The following TMF1 variants were observed in gnomAD, a reference collection of about 807,000 sequenced individuals.
TMF1 encodes the protein TATA element modulatory factor.
In TMF1, 71 loss-of-function variants were observed where a neutral mutation model predicts 126.5. The observed-to-expected ratio is 0.56, with a 90% CI of 0.46 to 0.68. The LOEUF is 0.68. Ranked by LOEUF, TMF1 falls within the 30% of genes least tolerant of loss-of-function variation. TMF1 has a pLI of 0.00. For synonymous variants in TMF1, 461 were observed against 430.5 expected, an observed-to-expected ratio of 1.07 and a Z score of -0.88; for missense variants, 1,259 against 1,253.2, an observed-to-expected ratio of 1.00 and a Z score of -0.07.
Position 69,037,010 on chromosome 3 carries a change from T to C in TMF1, c.2151+1554A>G, listed in dbSNP as rs536928636. ...ACAACCCACAGAGAGGCACAAAATA[T>C]TGACAAATCCTATATCTGATAAAGG... On this transcript the variant is annotated intron_variant, in intron 8 of 16. Coordinates refer to ENST00000398559, the MANE Select transcript of TMF1 (RefSeq NM_007114.3). 1.2e-4 allele frequency among the ~76,000 whole-genome samples: 18 copies of C among 151,880 alleles called. No individual in the cohort carries two copies. In the South Asian group the frequency reaches 3.8e-3, roughly 32 times the overall value.
intron 9 of TMF1, among the ~76,000 whole-genome samples, chr3:69,034,467 T>C (rs1314425835): frequency 6.6e-6 from 1 of 152,126 alleles, no homozygotes; most frequent in Non-Finnish European, 1.5e-5. Context: ...AGCAAGACTC[T>C]GTCTCAAAAT....
At chr3:69,040,174 G>T (rs1337391541) in intron 5 of TMF1, among the ~76,000 whole-genome samples, 2 of 152,166 alleles carry the variant, frequency 1.3e-5, no homozygotes, top group East Asian at 3.9e-4. Context: ...AGACTCTACA[G>T]AGTCCTCAAA....
At chr3:69,046,775 T>C (rs998948773) in intron 2 of TMF1, among the ~76,000 whole-genome samples, 1 of 152,188 alleles carries the variant, frequency 6.6e-6, no homozygotes, top group East Asian at 1.9e-4. Flanking sequence ...ATGTGAAATA[T>C]AGCTATCAAT....
chr3:69,044,656 T>A (rs1374499131), intron 2 of TMF1, 61 bp from the exon 3 acceptor site: 2 of 1,029,658 alleles, frequency 1.9e-6, no homozygotes, highest in African/African-American at 3.2e-5. Context: ...CATTTTTACA[T>A]GCAGGTGTAT....
At chr3:69,025,972 C>G in intron 14 of TMF1, 24 bp downstream of exon 14, 1 of 1,542,132 alleles carries the variant, frequency 6.5e-7, no homozygotes, top group Non-Finnish European at 8.9e-7. Flanking sequence ...AAGAACTAAG[C>G]ACATATAAAA....
At chr3:69,033,303 A>AAAGAAT (rs2091814307) in intron 10 of TMF1, among the ~76,000 whole-genome samples, 1 of 151,856 alleles carries the variant, frequency 6.6e-6, no homozygotes, top group Non-Finnish European at 1.5e-5. Flanking sequence ...GAACTGAATG[A>AAAGAAT]AAGAATGACA....
At chr3:69,034,755 A>G (rs1278535884) in intron 9 of TMF1, among the ~76,000 whole-genome samples, 3 of 152,238 alleles carry the variant, frequency 2.0e-5, no homozygotes, top group Non-Finnish European at 4.4e-5. Context: ...ACAATCATTA[A>G]TAAGCGATTA....
At position 69,048,289 on chromosome 3, in the gene TMF1, A is replaced by C; in HGVS notation, c.416T>G (p.Ile139Ser). The part of the protein sequence containing the change: ...VKSSLHESLH[I>S]GQSRTPETTE... ...TGTTTCAGGAGTTCTTGACTGGCCA[A>C]TGTGCAAGGATTCATGTAAGCTGCT... The change falls in exon 2 of 17, where the codon ATT becomes AGT. Residue 139 changes from isoleucine (I) to serine (S), a missense_variant. Coordinates refer to ENST00000398559, the MANE Select transcript of TMF1 (RefSeq NM_007114.3). 17 of 1,614,194 alleles carry C rather than the reference A, an allele frequency of 1.1e-5. No homozygotes were observed. The highest frequency in any genetic ancestry group is 1.4e-5 in the Non-Finnish European group (17 of 1,180,028).
At chr3:69,025,500 G>A in intron 15 of TMF1, 60 bp downstream of exon 15, 1 of 1,474,818 alleles carries the variant, frequency 6.8e-7, no homozygotes, top group Non-Finnish European at 9.3e-7. Context: ...AATGAAGGGT[G>A]CTATTTATTA....
At chr3:69,038,466 A>G (rs2091844756) in intron 8 of TMF1, 98 bp downstream of exon 8, 10 of 1,314,188 alleles carry the variant, frequency 7.6e-6, no homozygotes, top group Non-Finnish European at 9.5e-6. Flanking sequence ...TAACACATGT[A>G]TCACTACATT....
intron 1 of TMF1, among the ~76,000 whole-genome samples, chr3:69,050,272 A>C (rs1392019386): frequency 1.3e-5 from 2 of 151,476 alleles, no homozygotes; most frequent in Admixed American, 1.3e-4. Flanking sequence ...AAAAAAAAAA[A>C]ACAAAAAAAC....
intron 4 of TMF1, among the ~76,000 whole-genome samples, chr3:69,043,366 C>T (rs2091878020): frequency 6.6e-6 from 1 of 152,030 alleles, no homozygotes; most frequent in Non-Finnish European, 1.5e-5. Flanking sequence ...GATGAGGTCT[C>T]GCCATGTTGC....
intron 15 of TMF1, 34 bp from the exon 16 acceptor site, chr3:69,024,214 A>C: frequency 6.5e-7 from 1 of 1,547,926 alleles, no homozygotes; most frequent in Non-Finnish European, 8.7e-7. Context: ...GTTTAAATCA[A>C]AACATATCTT....
In TMF1 at chr3:69,044,491, C is replaced by T. The variant is rs766492330; in HGVS notation, c.1451+1G>A. 6.5e-7 allele frequency: 1 copy of T among 1,528,828 alleles called. No individual in the cohort carries two copies. Among genetic ancestry groups the T allele is most frequent in the Non-Finnish European group, 9.0e-7 (1 of 1,115,870 alleles). 94.7% of individuals were successfully genotyped at this position (1,528,828 alleles called of 1,614,324 possible). A position where few individuals can be genotyped will look rare whatever the true frequency, so the allele number is the denominator to read the frequency against. ...ATTATTCACATTTGCAGAATACTTA[C>T]TCTTTCAGGTTATCAAAAGCTTCTT... On this transcript the variant is annotated splice_donor_variant, in intron 3 of 16. Transcript: ENST00000398559. LOFTEE classifies it high-confidence loss of function.
Position 69,033,625 on chromosome 3 carries a change from A to G in TMF1, c.2324T>C (p.Ile775Thr), listed in dbSNP as rs1169238646. Residue 775 changes from isoleucine (I) to threonine (T), a missense_variant, in exon 10 of 17, where the codon ATA becomes ACA. Transcript: ENST00000398559. The part of the protein sequence containing the change: ...SSTTRPLLRQ[I>T]ENLQATLGSQ... ...TCCCAGGGTTGCTTGCAAATTTTCT[A>G]TTTGTCGAAGCAATGGTCTTGTTGT... 5.6e-6 allele frequency: 9 copies of G among 1,613,900 alleles called. No individual in the cohort carries two copies. The highest frequency in any genetic ancestry group is 2.2e-5 in the East Asian group (1 of 44,832).
rs564648083 is a variant in TMF1, at chr3:69,029,010, T to C, written c.2595-715A>G. On this transcript the variant is annotated intron_variant, in intron 11 of 16. Coordinates refer to ENST00000398559, the MANE Select transcript of TMF1 (RefSeq NM_007114.3). ...TACATGACAATGAATCCCAGTACTA[T>C]CTTCTTGTTATAATATCCTATTACT... 1.6e-4 allele frequency among the ~76,000 whole-genome samples: 25 copies of C among 151,884 alleles called. 1 individual carries two copies. The South Asian group carries it at 5.0e-3, about 30-fold the overall frequency.
chr3:69,041,410 G>A (rs2091864296), intron 5 of TMF1, among the ~76,000 whole-genome samples: 1 of 152,084 alleles, frequency 6.6e-6, no homozygotes, highest in Admixed American at 6.6e-5. Context: ...AATATTAGTT[G>A]AATAAATGAA....
At chr3:69,042,996 C>T (rs2091876406) in intron 4 of TMF1, 84 bp from the exon 5 acceptor site, 3 of 961,274 alleles carry the variant, frequency 3.1e-6, no homozygotes, top group African/African-American at 1.6e-5. Context: ...TCCAAAGAAG[C>T]TGTCCATAAT....
At position 69,047,612 on chromosome 3, in the gene TMF1, G is replaced by C. The variant is rs1284454794; in HGVS notation, c.1093C>G (p.Pro365Ala). 6.2e-7 allele frequency: 1 copy of C among 1,614,036 alleles called. No homozygotes were observed. The highest frequency in any genetic ancestry group is 8.5e-7 in the Non-Finnish European group (1 of 1,180,016). The change falls in exon 2 of 17, where the codon CCA becomes GCA. Residue 365 changes from proline to alanine, a missense_variant. By Grantham distance (27) the Pro-to-Ala change is conservative (BLOSUM62 -1). Coordinates refer to ENST00000398559, the MANE Select transcript of TMF1 (RefSeq NM_007114.3). ...GCAGATTCAACTGTTTTAGACTTTG[G>C]AGTTGAAGAATTAACTATAATAGGC... ...LVPIIVNSST[P>A]KSKTVESAEG... is the part of the protein sequence containing the mutation.
Sources: gnomAD v4.1 joint callset for allele counts (sites outside exome capture counted in the v4.1 genomes callset) on GRCh38, gnomAD v4.1.1 for gene constraint, MANE v1.5 for transcripts, NCBI Gene and HGNC (gene_info 2026-07-23, HGNC 2026-07-21) for gene names.